The following HECW2 variants were observed in gnomAD, a reference collection of about 807,000 sequenced individuals.
The protein encoded by HECW2 is HECT, C2 and WW domain containing E3 ubiquitin protein ligase 2, also known as E3 ubiquitin-protein ligase HECW2.
In HECW2, 61 loss-of-function variants were observed where a neutral mutation model predicts 175.2. The ratio of observed to expected loss-of-function variants is 0.35; its 90% confidence interval spans 0.28 to 0.43. The LOEUF is 0.43. HECW2 is among the 20% of genes least tolerant of loss of function. HECW2 has a pLI of 1.00. For synonymous variants in HECW2, 671 were observed against 731.0 expected (o/e 0.92, Z 1.32); for missense variants, 1,524 against 2,000.5 (o/e 0.76, Z 4.54).
intron 1 of HECW2, among the ~76,000 whole-genome samples, chr2:196,447,523 G>A (rs560266018): frequency 2.0e-5 from 3 of 152,276 alleles, no homozygotes; most frequent in Non-Finnish European, 4.4e-5. Context: ...AAAGTCACAT[G>A]CAAAACCACT....
chr2:196,234,041 C>T (rs1688151085), intron 21 of HECW2, among the ~76,000 whole-genome samples: 1 of 152,130 alleles, frequency 6.6e-6, no homozygotes, highest in African/African-American at 2.4e-5. Flanking sequence ...ACATCTCCAC[C>T]CCAGTCAAAG....
At position 196,248,597 on chromosome 2, in the gene HECW2, G is replaced by GACACAAACACACACACAC. The variant is rs1553636702; in HGVS notation, c.3529+5322_3529+5323insGTGTGTGTGTGTTTGTGT. ...CAGATGAGAGAGAGAGAGACAGACAGACACACACACACACACACACACACA... is the reference window on the plus strand; with the variant it reads ...CAGATGAGAGAGAGAGAGACAGACAGACACAAACACACACACACACACACACACACACACACACACACA... On this transcript the variant is annotated intron_variant, in intron 19 of 28. Coordinates refer to ENST00000644978, the MANE Select transcript of HECW2 (RefSeq NM_001348768.2). 2.1e-5 allele frequency among the ~76,000 whole-genome samples: 3 copies of GACACAAACACACACACAC among 143,922 alleles called. No homozygotes were observed. In the Admixed American group the frequency reaches 2.1e-4, roughly 10 times the overall value. The allele number at this position is 143,922 out of a possible 152,430, so 94.4% of individuals were successfully genotyped here.
intron 1 of HECW2, among the ~76,000 whole-genome samples, chr2:196,485,092 A>G (rs1434311088): frequency 1.3e-5 from 2 of 152,200 alleles, no homozygotes; most frequent in Non-Finnish European, 2.9e-5. Context: ...GAGAGGAGGA[A>G]AAGTCCAGAA....
chr2:196,306,978 G>C, intron 12 of HECW2, 152 bp downstream of exon 12: 1 of 574,240 alleles, frequency 1.7e-6, no homozygotes, highest in Non-Finnish European at 3.1e-6. Flanking sequence ...GATTAGAAGA[G>C]GTTTCTGGTG....
chr2:196,264,247 T>C (rs1266710443), intron 17 of HECW2: 1 of 152,214 alleles, frequency 6.6e-6, no homozygotes, highest in African/African-American at 2.4e-5. Flanking sequence ...ATTATTCTTT[T>C]GGGGTTGGGG....
Position 196,325,130 on chromosome 2 carries a change from T to C in HECW2, c.591A>G (p.Leu197=), listed in dbSNP as rs745425437. The change falls in exon 6 of 29, where the codon CTA becomes CTG. Residue 197 remains leucine, a synonymous_variant. Transcript: ENST00000644978. ...CAGGATTGAAGAACATCCCTTTCTT[T>C]AGCCCAACTGCCCTAAGATCTTTAA... ...FTLSDLRAVG[L]KKGMFFNPDP... 4.4e-6 allele frequency: 7 copies of C among 1,601,786 alleles called. 1 individual carries two copies. The highest frequency in any genetic ancestry group is 1.7e-4 in the Middle Eastern group (1 of 5,960).
At position 196,371,450 on chromosome 2, in the gene HECW2, T is replaced by C. The variant is rs150809413; in HGVS notation, c.293-27686A>G. On this transcript the variant is annotated intron_variant, in intron 2 of 28. Transcript: ENST00000644978. ...AAGGGGCACTAACATGAGAACAAAG[T>C]TTTAGATTCTATTTAAGCTGAGAAC... Among the ~76,000 whole-genome samples, 539 of 152,144 alleles carry C rather than the reference T, an allele frequency of 3.5e-3. 2 individuals are homozygous for C. Among genetic ancestry groups the C allele is most frequent in the Admixed American group, 9.2e-3 (140 of 15,284 alleles).
In HECW2 at chr2:196,474,994, G is replaced by A. The variant is rs188851381; in HGVS notation, c.-35-41536C>T. On this transcript the variant is annotated intron_variant, in intron 1 of 28. Transcript: ENST00000644978. ...CCCAGCGAGCAGCATCGTTACAGAC[G>A]CTTAACACAGTTTAACGAATTTCTC... is the stretch of plus-strand genomic sequence containing the variant. Among the ~76,000 whole-genome samples the A allele has an allele frequency of 2.1e-3, 327 of 152,194 alleles. No individual in the cohort carries two copies. In the Middle Eastern group the frequency reaches 0.024, roughly 11 times the overall value.
intron 2 of HECW2, among the ~76,000 whole-genome samples, chr2:196,402,298 T>C (rs1009726121): frequency 1.3e-5 from 2 of 151,534 alleles, no homozygotes; most frequent in Non-Finnish European, 2.9e-5. Flanking sequence ...AATTTGATAA[T>C]TGTGCAGCTA....
At chr2:196,280,822 A>G (rs1690157196) in intron 14 of HECW2, among the ~76,000 whole-genome samples, 1 of 152,206 alleles carries the variant, frequency 6.6e-6, no homozygotes, top group Non-Finnish European at 1.5e-5. Flanking sequence ...CAATTAAACT[A>G]TTTTGCACCA....
intron 2 of HECW2, among the ~76,000 whole-genome samples, chr2:196,406,327 C>G (rs1694964969): frequency 6.6e-6 from 1 of 152,192 alleles, no homozygotes; most frequent in Non-Finnish European, 1.5e-5. Context: ...AATCAAGGAA[C>G]CACACCTGAT....
At chr2:196,582,610 T>C (rs1309772598) in intron 1 of HECW2, among the ~76,000 whole-genome samples, 1 of 152,152 alleles carries the variant, frequency 6.6e-6, no homozygotes, top group African/African-American at 2.4e-5. Flanking sequence ...ATTTTCTTGG[T>C]AGAGATCCAT....
intron 23 of HECW2, among the ~76,000 whole-genome samples, chr2:196,224,043 C>T (rs1177670743): frequency 1.3e-5 from 2 of 152,102 alleles, no homozygotes; most frequent in Non-Finnish European, 2.9e-5. Context: ...ACAGTGAGTT[C>T]AGTGGGAAAA....
At chr2:196,217,239 CTG>C (rs1687509712) in intron 26 of HECW2, 146 bp from the exon 27 acceptor site, 1 of 557,648 alleles carries the variant, frequency 1.8e-6, no homozygotes, top group African/African-American at 2.0e-5. Context: ...AGGAATAACA[CTG>C]TATATATGAT....
rs1395802562 is a variant in HECW2, at chr2:196,278,614, G to A, written c.3049C>T (p.Arg1017Trp). 3.1e-6 allele frequency: 5 copies of A among 1,613,982 alleles called. No homozygotes were observed. Among genetic ancestry groups the A allele is most frequent in the Non-Finnish European group, 4.2e-6 (5 of 1,179,966 alleles). ...NSRTTTFIDP[R>W]LPLQSSRPTS... is the part of the protein sequence containing the mutation. ...GGTCTACTGCTCTGAAGTGGGAGCC[G>A]GGGATCAATGAAAGTGGTGGTGCGG... The change falls in exon 15 of 29, where the codon CGG becomes TGG. Residue 1017 changes from arginine to tryptophan, a missense_variant. Coordinates refer to ENST00000644978, the MANE Select transcript of HECW2 (RefSeq NM_001348768.2).
At chr2:196,217,163 C>G in intron 26 of HECW2, 70 bp from the exon 27 acceptor site, 1 of 1,036,644 alleles carries the variant, frequency 9.6e-7, no homozygotes, top group South Asian at 1.4e-5. Flanking sequence ...ATACGTGACA[C>G]GAAGAGTCCC....
intron 1 of HECW2, among the ~76,000 whole-genome samples, chr2:196,446,104 C>T (rs1399194718): frequency 6.6e-6 from 1 of 152,190 alleles, no homozygotes; most frequent in Non-Finnish European, 1.5e-5. Context: ...GGCTGTTGGT[C>T]CTCTCTGACC....
intron 2 of HECW2, among the ~76,000 whole-genome samples, chr2:196,361,454 G>A (rs559999613): frequency 6.6e-6 from 1 of 152,274 alleles, no homozygotes; most frequent in South Asian, 2.1e-4. Flanking sequence ...AACCGGCCAT[G>A]AAATCTATTT....
chr2:196,472,712 C>T (rs1697261025), intron 1 of HECW2, among the ~76,000 whole-genome samples: 1 of 151,954 alleles, frequency 6.6e-6, no homozygotes, highest in Non-Finnish European at 1.5e-5. Context: ...ACTTCCACCT[C>T]CCGGGCTCAA....
Sources: gnomAD v4.1 joint callset for allele counts (sites outside exome capture counted in the v4.1 genomes callset) on GRCh38, gnomAD v4.1.1 for gene constraint, MANE v1.5 for transcripts, NCBI Gene and HGNC (gene_info 2026-07-23, HGNC 2026-07-21) for gene names.